Variants in TBC1D23 observed in about 807,000 individuals in gnomAD.
TBC1D23 encodes the protein TBC1 domain family member 23.
A neutral mutation model predicts 91.4 loss-of-function variants in TBC1D23; 55 were observed. That is an observed-to-expected ratio of 0.60 (90% CI 0.48 to 0.75). The LOEUF (loss-of-function observed/expected upper bound fraction) is 0.75. Among genes scored for constraint, TBC1D23 ranks in the 30% least tolerant of loss-of-function variants. TBC1D23 has a pLI of 0.00. For missense variants in TBC1D23, 725 were observed against 836.1 expected (o/e 0.87, Z 1.64); for synonymous variants, 289 against 281.0 (o/e 1.03, Z -0.28).
chr3:100,264,911 T>G (rs1269387563), intron 1 of TBC1D23, among the ~76,000 whole-genome samples: 2 of 152,212 alleles, frequency 1.3e-5, no homozygotes. Context: ...GTGATTGTGA[T>G]TCAATATATT....
chr3:100,261,155 GT>G (rs556045578), intron 1 of TBC1D23, 84 bp downstream of exon 1: 226 of 1,393,050 alleles, frequency 1.6e-4, no homozygotes, highest in Middle Eastern at 6.5e-4. Context: ...GCCGTCTGGC[GT>G]CGGCATGGAA....
chr3:100,298,407 C>G (rs990194955), intron 9 of TBC1D23, among the ~76,000 whole-genome samples: 4 of 152,170 alleles, frequency 2.6e-5, no homozygotes, highest in African/African-American at 9.7e-5. Context: ...AATTGAATTA[C>G]ATGGTTTAGT....
chr3:100,282,185 G>T (rs570077511), intron 3 of TBC1D23, among the ~76,000 whole-genome samples: 1 of 152,212 alleles, frequency 6.6e-6, no homozygotes, highest in South Asian at 2.1e-4. Flanking sequence ...GGTGGTGGGC[G>T]CCTGTAGTCC....
intron 7 of TBC1D23, 52 bp from the exon 8 acceptor site, chr3:100,296,120 C>A: frequency 2.9e-6 from 3 of 1,038,500 alleles, no homozygotes; most frequent in East Asian, 5.0e-5. Flanking sequence ...GATACATAAA[C>A]AATATTTGCA....
intron 2 of TBC1D23, among the ~76,000 whole-genome samples, chr3:100,280,162 G>A (rs935820753): frequency 4.0e-5 from 6 of 151,868 alleles, no homozygotes; most frequent in South Asian, 2.1e-4. Flanking sequence ...CCCAGGAGGC[G>A]AGGCTACAGT....
intron 1 of TBC1D23, among the ~76,000 whole-genome samples, chr3:100,270,092 A>G (rs531574927): frequency 1.3e-5 from 2 of 152,280 alleles, no homozygotes; most frequent in East Asian, 3.9e-4. Flanking sequence ...CAGGATTTAG[A>G]TGATAGGACT....
intron 7 of TBC1D23, 145 bp downstream of exon 7, chr3:100,295,493 G>C: frequency 1.6e-6 from 1 of 606,678 alleles, no homozygotes; most frequent in South Asian, 2.6e-5. Flanking sequence ...ACACTCTCCA[G>C]GTACAGACCT....
intron 4 of TBC1D23, among the ~76,000 whole-genome samples, chr3:100,288,980 G>C (rs1012058358): frequency 6.6e-6 from 1 of 152,092 alleles, no homozygotes; most frequent in African/African-American, 2.4e-5. Context: ...TTGGGAGGCC[G>C]AGGAGGGAGG....
intron 8 of TBC1D23, 104 bp from the exon 9 acceptor site, chr3:100,297,819 A>C (rs763017943): frequency 3.8e-5 from 36 of 944,310 alleles, no homozygotes; most frequent in Non-Finnish European, 4.9e-5. Flanking sequence ...ATCACAACTC[A>C]AGAGTATTAT....
At chr3:100,289,577 T>A (rs942851917) in intron 4 of TBC1D23, among the ~76,000 whole-genome samples, 5 of 152,152 alleles carry the variant, frequency 3.3e-5, no homozygotes, top group African/African-American at 1.2e-4. Flanking sequence ...TGGGCTCAGA[T>A]GCTTGGGTGC....
In TBC1D23 at chr3:100,261,067, G is replaced by A. The variant is rs1425083663; in HGVS notation, c.49G>A (p.Gly17Ser). The A allele has an allele frequency of 1.2e-6, 2 of 1,613,598 alleles. No homozygotes were observed. The highest frequency in any genetic ancestry group is 3.3e-5 in the Admixed American group (2 of 60,024). The change falls in exon 1 of 19, where the codon GGC (glycine) becomes AGC (serine). Residue 17 changes from glycine to serine, a missense_variant. Transcript: ENST00000394144. ...VPPLPTSSGD[G>S]WEKDLEEALE... is the part of the protein sequence containing the mutation. Reference sequence around the variant, plus strand: ...GCCGCTGCCAACGTCGAGCGGCGACGGCTGGTGAGTGAAAGCCGGGGCTAA... The same window carrying A: ...GCCGCTGCCAACGTCGAGCGGCGACAGCTGGTGAGTGAAAGCCGGGGCTAA...
intron 16 of TBC1D23, among the ~76,000 whole-genome samples, chr3:100,317,262 A>T (rs751730463): frequency 2.6e-5 from 4 of 152,172 alleles, no homozygotes; most frequent in Non-Finnish European, 5.9e-5. Flanking sequence ...AGAATGAGAA[A>T]AAAAGACTCC....
At position 100,323,671 on chromosome 3, in the gene TBC1D23, TAAAAGAAAATTATATAA is replaced by T. The variant is rs763285997; in HGVS notation, c.*7_*23del. 1 of 1,459,380 alleles carries T rather than the reference TAAAAGAAAATTATATAA, an allele frequency of 6.9e-7. No homozygotes were observed. The allele number at this position is 1,459,380 out of a possible 1,614,324, so 90.4% of individuals were successfully genotyped here. On this transcript the variant is annotated 3_prime_UTR_variant, in exon 19 of 19. Coordinates refer to ENST00000394144, the MANE Select transcript of TBC1D23 (RefSeq NM_001199198.3). The stretch of plus-strand genomic sequence containing the variant: ...TTTTGGATGCTTTGGAAAGTTAATA[TAAAAGAAAATTATATAA>T]AAAGAAATTAAGACAACCAAGAGAA...
intron 5 of TBC1D23, among the ~76,000 whole-genome samples, chr3:100,291,029 A>G (rs139130566): frequency 1.4e-4 from 21 of 152,366 alleles, no homozygotes; most frequent in African/African-American, 4.8e-4. Context: ...TATATGATAC[A>G]TATATCAGTT....
intron 7 of TBC1D23, among the ~76,000 whole-genome samples, chr3:100,295,732 A>G (rs987640715): frequency 5.9e-5 from 9 of 152,298 alleles, no homozygotes; most frequent in Middle Eastern, 3.4e-3. Flanking sequence ...TCCCCCACAT[A>G]GAGATAGTTA....
Position 100,315,413 on chromosome 3 carries a change from C to T in TBC1D23, c.1599-686C>T, listed in dbSNP as rs975642753. Among the ~76,000 whole-genome samples the T allele has an allele frequency of 2.0e-5, 3 of 152,186 alleles. No homozygotes were observed. The South Asian group carries it at 6.2e-4, about 32-fold the overall frequency. The stretch of plus-strand genomic sequence containing the variant: ...CCGACCTCAGGTGATCCACCTACCT[C>T]GGCCTCCCAAAGTGCTGGGATTACA... On this transcript the variant is annotated intron_variant, in intron 15 of 18. Coordinates refer to ENST00000394144, the MANE Select transcript of TBC1D23 (RefSeq NM_001199198.3).
At chr3:100,291,953 C>T (rs567622285) in intron 5 of TBC1D23, among the ~76,000 whole-genome samples, 10 of 151,996 alleles carry the variant, frequency 6.6e-5, no homozygotes, top group South Asian at 2.1e-4. Context: ...TTAGTAAAGA[C>T]GGGGTTTCAC....
rs1472935627 is a variant in TBC1D23 at position 100,264,414 on chromosome 3, A to G, written c.53+3343A>G. On this transcript the variant is annotated intron_variant, in intron 1 of 18. Coordinates refer to ENST00000394144, the MANE Select transcript of TBC1D23 (RefSeq NM_001199198.3). ...ATCATATATCTTACTGCCTAGCTCA[A>G]ACTCATCTTAATGACTTGAGTCATT... Among the ~76,000 whole-genome samples the G allele has an allele frequency of 2.6e-5, 4 of 152,088 alleles. No individual in the cohort carries two copies. The South Asian group carries it at 8.3e-4, about 32-fold the overall frequency.
chr3:100,266,637 AT>A (rs1446064161), intron 1 of TBC1D23, among the ~76,000 whole-genome samples: 1 of 152,204 alleles, frequency 6.6e-6, no homozygotes, highest in Non-Finnish European at 1.5e-5. Flanking sequence ...AATATCCATA[AT>A]TTGAGTTAGT....
Sources: gnomAD v4.1 joint callset for allele counts (sites outside exome capture counted in the v4.1 genomes callset) on GRCh38, gnomAD v4.1.1 for gene constraint, MANE v1.5 for transcripts, NCBI Gene and HGNC (gene_info 2026-07-23, HGNC 2026-07-21) for gene names.